SEMA3E: variants seen among roughly 807,000 people sequenced by gnomAD.
The protein encoded by SEMA3E is semaphorin 3E, also known as semaphorin-3E.
SEMA3E carries 49 observed loss-of-function variants against 93.6 expected under a neutral mutation model. The ratio of observed to expected loss-of-function variants is 0.52; its 90% CI spans 0.42 to 0.66. The LOEUF is 0.66. Among genes scored for constraint, SEMA3E ranks in the 30% least tolerant of loss-of-function variants. SEMA3E has a pLI of 0.00. For synonymous variants in SEMA3E, 363 were observed against 330.7 expected, an observed-to-expected ratio of 1.10 and a Z score of -1.06; for missense variants, 906 against 964.8, an observed-to-expected ratio of 0.94 and a Z score of 0.81.
At chr7:83,518,414 G>A (rs1386272283) in intron 1 of SEMA3E, among the ~76,000 whole-genome samples, 2 of 151,994 alleles carry the variant, frequency 1.3e-5, no homozygotes, top group Non-Finnish European at 2.9e-5. Flanking sequence ...GAAAGGTGGC[G>A]GGACATATAA....
intron 16 of SEMA3E, among the ~76,000 whole-genome samples, chr7:83,369,633 A>G (rs1370051395): frequency 6.6e-6 from 1 of 152,192 alleles, no homozygotes; most frequent in Non-Finnish European, 1.5e-5. Context: ...CATTAACTGG[A>G]GAGTGAAATC....
At chr7:83,648,349 A>C in intron 1 of SEMA3E, 79 bp downstream of exon 1, 1 of 1,060,838 alleles carries the variant, frequency 9.4e-7, no homozygotes, top group Non-Finnish European at 1.4e-6. Flanking sequence ...GCCTATGTTA[A>C]TGTTAAACGA....
intron 16 of SEMA3E, among the ~76,000 whole-genome samples, chr7:83,377,052 T>TTTAAC (rs1787657608): frequency 6.6e-6 from 1 of 151,978 alleles, no homozygotes; most frequent in South Asian, 2.1e-4. Flanking sequence ...CTACAGGAGA[T>TTTAAC]TTGTGTAAAT....
chr7:83,483,897 G>T (rs1040347533), intron 2 of SEMA3E, among the ~76,000 whole-genome samples: 1 of 152,112 alleles, frequency 6.6e-6, no homozygotes, highest in African/African-American at 2.4e-5. Flanking sequence ...ATGACGTACC[G>T]CTGTTGACCA....
At chr7:83,443,338 GAA>G in intron 4 of SEMA3E, among the ~76,000 whole-genome samples, 1 of 152,088 alleles carries the variant, frequency 6.6e-6, no homozygotes, top group East Asian at 1.9e-4. Flanking sequence ...ACTTCTGACA[GAA>G]AAAGGGTATA....
intron 1 of SEMA3E, among the ~76,000 whole-genome samples, chr7:83,522,169 C>A (rs1349490522): frequency 6.6e-6 from 1 of 152,116 alleles, no homozygotes; most frequent in Admixed American, 6.6e-5. Flanking sequence ...CTACCTTAAG[C>A]AATAATTTTA....
At chr7:83,580,123 T>C (rs1792489918) in intron 1 of SEMA3E, among the ~76,000 whole-genome samples, 1 of 152,196 alleles carries the variant, frequency 6.6e-6, no homozygotes, top group African/African-American at 2.4e-5. Context: ...TTTGATAAGA[T>C]AATGAAGTCG....
chr7:83,569,959 CCA>C (rs1792239905), intron 1 of SEMA3E, among the ~76,000 whole-genome samples: 1 of 152,164 alleles, frequency 6.6e-6, no homozygotes, highest in Non-Finnish European at 1.5e-5. Flanking sequence ...CTAAGATCAA[CCA>C]CATTCTTGGT....
Position 83,363,387 on chromosome 7 carries a change from A to G in SEMA3E, c.*4199T>C, listed in dbSNP as rs1794613893. Reference sequence around the variant, plus strand: ...TCCCTGCAGCTTGCCACCAGATGCTAATAAGTCTCATGGCTTAGAATCAGT... The same window carrying G: ...TCCCTGCAGCTTGCCACCAGATGCTGATAAGTCTCATGGCTTAGAATCAGT... On this transcript the variant is annotated 3_prime_UTR_variant, in exon 17 of 17. Transcript: ENST00000643230. 6.6e-6 allele frequency: 1 copy of G among 152,196 alleles called. No individual in the cohort carries two copies. The highest frequency in any genetic ancestry group is 6.5e-5 in the Admixed American group (1 of 15,268). 9.4% of individuals were successfully genotyped at this position (152,196 alleles called of 1,614,324 possible).
At chr7:83,523,791 A>G (rs571630473) in intron 1 of SEMA3E, among the ~76,000 whole-genome samples, 1 of 152,272 alleles carries the variant, frequency 6.6e-6, no homozygotes, top group South Asian at 2.1e-4. Context: ...TTATAAAATT[A>G]CAGTAAATAA....
At chr7:83,639,182 G>T (rs1159604038) in intron 1 of SEMA3E, among the ~76,000 whole-genome samples, 3 of 142,906 alleles carry the variant, frequency 2.1e-5, no homozygotes, top group Non-Finnish European at 4.5e-5. Flanking sequence ...CAGTAGATCT[G>T]ATTCAGCAGC....
intron 1 of SEMA3E, among the ~76,000 whole-genome samples, chr7:83,604,464 T>A (rs1475887298): frequency 3.3e-5 from 5 of 149,968 alleles, no homozygotes; most frequent in Non-Finnish European, 7.4e-5. Flanking sequence ...AATTTTAAAA[T>A]TAACAATTTT....
Position 83,638,918 on chromosome 7 carries a change from C to T in SEMA3E, c.115+9510G>A, listed in dbSNP as rs372502082. ...CGAGGTCAGGAGATCGAGACCATCC[C>T]GGCTAAAATGGTGAAACCCTGTCTC... On this transcript the variant is annotated intron_variant, in intron 1 of 16. Coordinates refer to ENST00000643230, the MANE Select transcript of SEMA3E (RefSeq NM_012431.3). 9.3e-3 allele frequency among the ~76,000 whole-genome samples: 1,401 copies of T among 151,012 alleles called. 10 individuals are homozygous for T. Among genetic ancestry groups the T allele is most frequent in the Middle Eastern group, 0.024 (7 of 290 alleles).
At chr7:83,641,888 T>G (rs1215826277) in intron 1 of SEMA3E, among the ~76,000 whole-genome samples, 1 of 152,234 alleles carries the variant, frequency 6.6e-6, no homozygotes, top group African/African-American at 2.4e-5. Flanking sequence ...TAATCTGCAT[T>G]ATCTCATGTA....
intron 1 of SEMA3E, among the ~76,000 whole-genome samples, chr7:83,525,354 G>A (rs963384129): frequency 1.3e-5 from 2 of 151,928 alleles, no homozygotes; most frequent in African/African-American, 2.4e-5. Flanking sequence ...GCTTTGGTAT[G>A]AGTTTGTTTT....
chr7:83,413,986 A>G (rs1687024714), intron 5 of SEMA3E, among the ~76,000 whole-genome samples: 1 of 152,172 alleles, frequency 6.6e-6, no homozygotes, highest in Non-Finnish European at 1.5e-5. Context: ...GTATTCAAAT[A>G]GCTCCTCAGA....
intron 1 of SEMA3E, among the ~76,000 whole-genome samples, chr7:83,568,416 G>A (rs1244510158): frequency 2.0e-5 from 3 of 151,802 alleles, no homozygotes; most frequent in Admixed American, 1.3e-4. Flanking sequence ...GCAAAGAGTC[G>A]ACAACAACAA....
chr7:83,392,937 C>T (rs895482880), intron 13 of SEMA3E, among the ~76,000 whole-genome samples: 2 of 150,504 alleles, frequency 1.3e-5, no homozygotes, highest in South Asian at 2.1e-4. Context: ...GGCATGGTGG[C>T]GGATGCCTGT....
intron 1 of SEMA3E, among the ~76,000 whole-genome samples, chr7:83,636,167 C>G (rs6963952): frequency 0.17 from 25,313 of 152,122 alleles, 2,754 homozygotes; most frequent in Middle Eastern, 0.29. Flanking sequence ...TCTGCCACAG[C>G]CTCAAACTAT....
Sources: gnomAD v4.1 joint callset for allele counts (sites outside exome capture counted in the v4.1 genomes callset) on GRCh38, gnomAD v4.1.1 for gene constraint, MANE v1.5 for transcripts, NCBI Gene and HGNC (gene_info 2026-07-23, HGNC 2026-07-21) for gene names.